The following REV3L variants were observed in gnomAD, a reference collection of about 807,000 sequenced individuals.
REV3L encodes DNA polymerase zeta catalytic subunit.
In REV3L, 69 loss-of-function variants were observed where a neutral mutation model predicts 299.4. The ratio of observed to expected loss-of-function variants is 0.23; its 90% CI spans 0.19 to 0.28. The LOEUF is 0.28. Among genes scored for constraint, REV3L ranks in the 10% least tolerant of loss-of-function variants. REV3L has a pLI of 1.00. For synonymous variants in REV3L, 1,238 were observed against 1,271.4 expected, an observed-to-expected ratio of 0.97 and a Z score of 0.56; for missense variants, 3,128 against 3,693.8, an observed-to-expected ratio of 0.85 and a Z score of 3.97.
chr6:111,319,257 T>G (rs2114765790), intron 26 of REV3L, among the ~76,000 whole-genome samples: 1 of 152,114 alleles, frequency 6.6e-6, no homozygotes, highest in Admixed American at 6.5e-5. Flanking sequence ...GGTCAGGAGT[T>G]CAAGACCAGC....
At position 111,349,198 on chromosome 6, in the gene REV3L, A is replaced by G; in HGVS notation, c.7419+20T>C. On this transcript the variant is annotated intron_variant, in intron 20 of 31. Coordinates refer to ENST00000368802, the MANE Select transcript of REV3L (RefSeq NM_001372078.1). ...ACCGAATATCTTATTTCTAAACAAC[A>G]TTTTGGATAAATCACCCACCTCATT... The G allele has an allele frequency of 8.4e-7, 1 of 1,187,956 alleles. No individual in the cohort carries two copies. The highest frequency in any genetic ancestry group is 2.3e-5 in the East Asian group (1 of 42,846). 73.6% of individuals were successfully genotyped at this position (1,187,956 alleles called of 1,614,324 possible).
intron 6 of REV3L, among the ~76,000 whole-genome samples, chr6:111,389,452 A>T (rs1781679112): frequency 6.6e-6 from 1 of 152,156 alleles, no homozygotes; most frequent in South Asian, 2.1e-4. Flanking sequence ...CAATAGACCT[A>T]AGAGTCCCTT....
At chr6:111,410,780 T>C (rs1271044081) in intron 3 of REV3L, among the ~76,000 whole-genome samples, 1 of 152,114 alleles carries the variant, frequency 6.6e-6, no homozygotes, top group African/African-American at 2.4e-5. Flanking sequence ...AATCTGTGTT[T>C]TACAAAAAAG....
chr6:111,427,619 C>T (rs753580494), intron 1 of REV3L, among the ~76,000 whole-genome samples: 3 of 152,156 alleles, frequency 2.0e-5, no homozygotes, highest in Non-Finnish European at 2.9e-5. Flanking sequence ...TCACAGTGCC[C>T]CTCCCCTCAA....
intron 8 of REV3L, 25 bp from the exon 9 acceptor site, chr6:111,387,938 A>G (rs1159585863): frequency 1.9e-6 from 3 of 1,611,466 alleles, no homozygotes; most frequent in East Asian, 2.2e-5. Flanking sequence ...CATATCCTTT[A>G]TAACAGACTA....
At chr6:111,430,774 G>A (rs1786811860) in intron 1 of REV3L, 2 of 1,605,496 alleles carry the variant, frequency 1.2e-6, no homozygotes, top group Non-Finnish European at 1.7e-6. Context: ...CGCAGGAGCA[G>A]CTTGACCGCA....
chr6:111,335,431 A>AC (rs1184818472), intron 22 of REV3L, 38 bp downstream of exon 22: 1 of 1,592,644 alleles, frequency 6.3e-7, no homozygotes, highest in East Asian at 2.3e-5. Flanking sequence ...TATCACTCAT[A>AC]CAGAACTTTC....
At chr6:111,324,726 A>G (rs1417492035) in intron 25 of REV3L, among the ~76,000 whole-genome samples, 2 of 152,218 alleles carry the variant, frequency 1.3e-5, no homozygotes, top group African/African-American at 4.8e-5. Flanking sequence ...AGGAGAAGTA[A>G]TTAAATTAAC....
intron 1 of REV3L, among the ~76,000 whole-genome samples, chr6:111,438,722 T>C (rs774386373): frequency 1.3e-5 from 2 of 152,208 alleles, no homozygotes; most frequent in Non-Finnish European, 2.9e-5. Flanking sequence ...CTTAGGACTA[T>C]GTTTAATTAT....
intron 1 of REV3L, chr6:111,430,890 C>T (rs1172358124): frequency 5.0e-6 from 8 of 1,603,886 alleles, no homozygotes; most frequent in Non-Finnish European, 6.8e-6. Flanking sequence ...CTTCTCCATC[C>T]TGTGGATCTC....
At chr6:111,427,324 T>C (rs1236166114) in intron 1 of REV3L, among the ~76,000 whole-genome samples, 2 of 152,108 alleles carry the variant, frequency 1.3e-5, no homozygotes. Context: ...AAAAAAAAGT[T>C]GTGAATCATA....
At chr6:111,455,148 C>T (rs1377919341) in intron 1 of REV3L, among the ~76,000 whole-genome samples, 4 of 152,058 alleles carry the variant, frequency 2.6e-5, no homozygotes, top group African/African-American at 7.2e-5. Context: ...ACAATGGTGG[C>T]ACAAAGGACT....
Position 111,376,238 on chromosome 6 carries a change from G to A in REV3L, c.2117C>T (p.Ser706Phe). 6.2e-7 allele frequency: 1 copy of A among 1,613,704 alleles called. No homozygotes were observed. The highest frequency in any genetic ancestry group is 8.5e-7 in the Non-Finnish European group (1 of 1,179,872). The change falls in exon 13 of 32, where the codon TCT (serine) becomes TTT (phenylalanine). Residue 706 changes from serine (S) to phenylalanine (F), a missense_variant. Physicochemically the swap from Ser to Phe is radical, Grantham distance 155 (BLOSUM62 -2). Around this residue, in one of 9 missense-constraint regions of REV3L, gnomAD observed 2,409 missense variants for 2,611.8 expected, o/e 0.92. Transcript: ENST00000368802. ...HPNENTLGKN[S>F]FNFSDLNHSK... ...ATGATTTAAGTCAGAAAAGTTGAAA[G>A]AATTTTTGCCCAATGTATTCTCGTT... is the stretch of plus-strand genomic sequence containing the variant.
intron 23 of REV3L, among the ~76,000 whole-genome samples, 172 bp from the exon 24 acceptor site, chr6:111,331,956 A>T (rs751748854): frequency 6.6e-6 from 1 of 152,200 alleles, no homozygotes; most frequent in Non-Finnish European, 1.5e-5. Context: ...TAGTTTTTCA[A>T]ATATTCATAA....
intron 3 of REV3L, among the ~76,000 whole-genome samples, chr6:111,407,356 G>C (rs562005056): frequency 6.6e-6 from 1 of 152,250 alleles, no homozygotes; most frequent in Non-Finnish European, 1.5e-5. Context: ...AAAATATACA[G>C]AGTAAAGATG....
intron 28 of REV3L, chr6:111,312,055 C>G (rs1267418039): frequency 6.6e-6 from 1 of 152,216 alleles, no homozygotes; most frequent in Admixed American, 6.6e-5. Context: ...CCGCCCGCCT[C>G]GGCCTCCCAA....
chr6:111,473,574 C>T (rs764468181), intron 1 of REV3L, among the ~76,000 whole-genome samples: 5 of 151,666 alleles, frequency 3.3e-5, no homozygotes, highest in Non-Finnish European at 5.9e-5. Flanking sequence ...CATCATAAAA[C>T]GAATCCTACT....
At chr6:111,379,632 T>C (rs1200182048) in intron 11 of REV3L, among the ~76,000 whole-genome samples, 1 of 152,224 alleles carries the variant, frequency 6.6e-6, no homozygotes, top group Non-Finnish European at 1.5e-5. Context: ...CTATACATTG[T>C]TGTTCTGATA....
chr6:111,314,366 G>C (rs1773296177), intron 27 of REV3L, among the ~76,000 whole-genome samples: 1 of 152,130 alleles, frequency 6.6e-6, no homozygotes, highest in South Asian at 2.1e-4. Context: ...GGGACACTGT[G>C]TTACTTTGAG....
Sources: gnomAD v4.1 joint callset for allele counts (sites outside exome capture counted in the v4.1 genomes callset) on GRCh38, gnomAD v4.1.1 for gene constraint, gnomAD v4.1.1 regional missense constraint, MANE v1.5 for transcripts, NCBI Gene and HGNC (gene_info 2026-07-23, HGNC 2026-07-21) for gene names.